The following COL23A1 variants were observed in gnomAD, a reference collection of about 807,000 sequenced individuals.
COL23A1 encodes collagen alpha-1(XXIII) chain.
A neutral mutation model predicts 99.3 loss-of-function variants in COL23A1; 97 were observed. The observed-to-expected ratio is 0.98, with a 90% confidence interval of 0.83 to 1.16. The LOEUF is 1.16. Ranked by LOEUF, COL23A1 falls within the 50% of genes most tolerant of loss-of-function variation. The pLI is 0.00. For synonymous variants in COL23A1, 320 were observed against 308.2 expected, an observed-to-expected ratio of 1.04 and a Z score of -0.40; for missense variants, 762 against 757.4, an observed-to-expected ratio of 1.01 and a Z score of -0.07.
chr5:178,501,955 G>T (rs935638525), intron 2 of COL23A1, among the ~76,000 whole-genome samples: 1 of 152,236 alleles, frequency 6.6e-6, no homozygotes, highest in African/African-American at 2.4e-5. Flanking sequence ...GGGAAGGACG[G>T]CTAAAACAGA....
rs192768365 is a variant in COL23A1 at position 178,375,313 on chromosome 5, G to A, written c.362-68394C>T. On this transcript the variant is annotated intron_variant, in intron 2 of 28. Coordinates refer to ENST00000390654, the MANE Select transcript of COL23A1 (RefSeq NM_173465.4). ...AGCTACAGGGCATGGGCTTTCTTCC[G>A]CAGGGGATGAAAAGGTCCTAAAACG... is the stretch of plus-strand genomic sequence containing the variant. Among the ~76,000 whole-genome samples, 39 of 152,316 alleles carry A rather than the reference G, an allele frequency of 2.6e-4. 1 individual carries two copies. The East Asian group carries it at 6.0e-3, about 23-fold the overall frequency.
intron 2 of COL23A1, among the ~76,000 whole-genome samples, chr5:178,409,489 A>AGTGTGTGTGT (rs34824661): frequency 4.2e-3 from 639 of 151,416 alleles, no homozygotes; most frequent in African/African-American, 0.015. Flanking sequence ...TATTTACACT[A>AGTGTGTGTGT]GTGTGTGTGT....
chr5:178,418,788 C>T (rs1439897158), intron 2 of COL23A1, among the ~76,000 whole-genome samples: 1 of 152,206 alleles, frequency 6.6e-6, no homozygotes, highest in East Asian at 1.9e-4. Context: ...GGGAGGCAGG[C>T]CTGGCCTAAA....
intron 11 of COL23A1, among the ~76,000 whole-genome samples, chr5:178,260,850 C>T (rs1459045808): frequency 6.6e-6 from 1 of 152,118 alleles, no homozygotes; most frequent in Non-Finnish European, 1.5e-5. Context: ...GAGGGATGAA[C>T]AGGCGGAGAA....
intron 2 of COL23A1, among the ~76,000 whole-genome samples, chr5:178,408,784 G>A (rs1020292297): frequency 5.3e-5 from 8 of 151,668 alleles, no homozygotes; most frequent in African/African-American, 9.7e-5. Flanking sequence ...GAGAAACCCC[G>A]TCTCTATTAA....
chr5:178,268,937 C>A (rs578054198), intron 6 of COL23A1, among the ~76,000 whole-genome samples, 181 bp from the exon 7 acceptor site: 2 of 152,300 alleles, frequency 1.3e-5, no homozygotes, highest in South Asian at 4.1e-4. Flanking sequence ...GGAAGCTCCA[C>A]ATCTCAGTCC....
chr5:178,572,912 A>G (rs947922958), intron 1 of COL23A1, among the ~76,000 whole-genome samples: 3 of 152,268 alleles, frequency 2.0e-5, no homozygotes, highest in African/African-American at 7.2e-5. Context: ...AACATACTAA[A>G]GTATCTCTCA....
intron 2 of COL23A1, among the ~76,000 whole-genome samples, chr5:178,509,220 C>CA (rs1554186435): frequency 7.4e-6 from 1 of 134,358 alleles, no homozygotes; most frequent in Non-Finnish European, 1.6e-5. Context: ...AACCTGCATT[C>CA]TTTTTTTTTT....
chr5:178,586,623 G>A (rs1450250044), intron 1 of COL23A1, among the ~76,000 whole-genome samples: 2 of 128,354 alleles, frequency 1.6e-5, no homozygotes, highest in East Asian at 2.5e-4. Context: ...AAAAAAAAAA[G>A]GACAAGAAAA....
chr5:178,329,268 C>A (rs1759869568), intron 2 of COL23A1, among the ~76,000 whole-genome samples: 1 of 152,240 alleles, frequency 6.6e-6, no homozygotes, highest in African/African-American at 2.4e-5. Flanking sequence ...ACATGGAAAT[C>A]CGCTTTGTCT....
At chr5:178,477,789 G>A (rs755575305) in intron 2 of COL23A1, among the ~76,000 whole-genome samples, 14 of 152,188 alleles carry the variant, frequency 9.2e-5, no homozygotes, top group African/African-American at 1.4e-4. Flanking sequence ...AATACAGCCC[G>A]AGTCATTTGC....
intron 2 of COL23A1, among the ~76,000 whole-genome samples, chr5:178,421,723 C>T (rs1435207646): frequency 6.6e-6 from 1 of 152,110 alleles, no homozygotes; most frequent in Non-Finnish European, 1.5e-5. Flanking sequence ...GCAAAAATTA[C>T]CTGGGCGTTG....
intron 2 of COL23A1, among the ~76,000 whole-genome samples, chr5:178,532,017 A>C (rs1342613979): frequency 6.6e-6 from 1 of 152,176 alleles, no homozygotes; most frequent in Admixed American, 6.5e-5. Context: ...GGTGGCCCCC[A>C]GTGGAAAGAT....
At chr5:178,535,762 GT>G (rs1484175794) in intron 2 of COL23A1, among the ~76,000 whole-genome samples, 3 of 152,264 alleles carry the variant, frequency 2.0e-5, no homozygotes, top group Non-Finnish European at 4.4e-5. Context: ...AAGAGAGGAG[GT>G]CCCAAGTGCT....
chr5:178,360,103 G>A (rs1199578228), intron 2 of COL23A1, among the ~76,000 whole-genome samples: 1 of 152,106 alleles, frequency 6.6e-6, no homozygotes, highest in African/African-American at 2.4e-5. Flanking sequence ...AATGTCCTGG[G>A]ATGCCAGCCT....
intron 2 of COL23A1, among the ~76,000 whole-genome samples, chr5:178,375,365 C>T (rs185490855): frequency 3.9e-5 from 6 of 152,360 alleles, no homozygotes; most frequent in Admixed American, 3.3e-4. Flanking sequence ...ATTCTCCAAA[C>T]CCTACCGACT....
At chr5:178,348,156 C>T (rs991859166) in intron 2 of COL23A1, among the ~76,000 whole-genome samples, 3 of 151,928 alleles carry the variant, frequency 2.0e-5, no homozygotes, top group Non-Finnish European at 2.9e-5. Context: ...CCTGACGCCG[C>T]CCCCCGACTG....
At chr5:178,560,782 G>C in intron 1 of COL23A1, 34 bp from the exon 2 acceptor site, 1 of 1,579,790 alleles carries the variant, frequency 6.3e-7, no homozygotes, top group South Asian at 1.2e-5. Flanking sequence ...AAAAAACGAG[G>C]AGAGAATGAG....
At chr5:178,423,606 G>A (rs565653269) in intron 2 of COL23A1, among the ~76,000 whole-genome samples, 1 of 152,286 alleles carries the variant, frequency 6.6e-6, no homozygotes, top group Admixed American at 6.5e-5. Context: ...CTCACTGTAA[G>A]TCGAGGGGCA....
Sources: allele counts gnomAD v4.1 joint callset (sites outside exome capture counted in the v4.1 genomes callset), GRCh38; gene constraint gnomAD v4.1.1; transcripts MANE v1.5; gene names NCBI Gene and HGNC (gene_info 2026-07-23, HGNC 2026-07-21).